MANBA: variants seen among roughly 807,000 people sequenced by gnomAD.
MANBA encodes the protein beta-mannosidase.
A neutral mutation model predicts 111.1 loss-of-function variants in MANBA; 83 were observed. The ratio of observed to expected loss-of-function variants is 0.75; its 90% confidence interval spans 0.63 to 0.90. MANBA has a LOEUF of 0.90. Among genes scored for constraint, MANBA ranks in the 40% least tolerant of loss-of-function variants. The probability of loss-of-function intolerance (pLI) is 0.00; values close to 1 mark genes in which losing one functional copy is unlikely to be tolerated. For synonymous variants in MANBA, 370 were observed against 378.7 expected, an observed-to-expected ratio of 0.98 and a Z score of 0.27; for missense variants, 1,036 against 1,069.0, an observed-to-expected ratio of 0.97 and a Z score of 0.43.
At chr4:102,698,769 A>G (rs1227225600) in intron 5 of MANBA, among the ~76,000 whole-genome samples, 1 of 151,338 alleles carries the variant, frequency 6.6e-6, no homozygotes, top group Non-Finnish European at 1.5e-5. Flanking sequence ...GCCTTGTAGT[A>G]TAGTTTGAAG....
intron 5 of MANBA, among the ~76,000 whole-genome samples, chr4:102,712,200 G>A (rs1259771137): frequency 2.6e-5 from 4 of 152,110 alleles, no homozygotes; most frequent in African/African-American, 4.8e-5. Flanking sequence ...CAAATATTAC[G>A]TGTCAATTTA....
intron 1 of MANBA, chr4:102,727,604 GAGACAGGCC>G: frequency 1.3e-6 from 2 of 1,594,184 alleles, no homozygotes; most frequent in Non-Finnish European, 1.7e-6. Context: ...TTGGGCTCGG[GAGACAGGCC>G]AGTGCCCATG....
intron 5 of MANBA, among the ~76,000 whole-genome samples, chr4:102,707,072 AT>A (rs1396412281): frequency 1.3e-5 from 2 of 152,222 alleles, no homozygotes; most frequent in African/African-American, 4.8e-5. Flanking sequence ...AGATAAAAAA[AT>A]CTCAGAGATT....
At chr4:102,748,531 C>T (rs1220567912) in intron 1 of MANBA, among the ~76,000 whole-genome samples, 3 of 152,048 alleles carry the variant, frequency 2.0e-5, no homozygotes, top group Admixed American at 6.5e-5. Flanking sequence ...GAAGAATACA[C>T]AAGAAACCGG....
chr4:102,726,712 G>C (rs1722821391), intron 1 of MANBA, 29 bp from the exon 2 acceptor site: 3 of 1,019,408 alleles, frequency 2.9e-6, no homozygotes. Flanking sequence ...AATTATGGTA[G>C]ATGGTTAAAT....
intron 12 of MANBA, among the ~76,000 whole-genome samples, chr4:102,653,964 T>C (rs1018673103): frequency 6.6e-6 from 1 of 152,122 alleles, no homozygotes; most frequent in Non-Finnish European, 1.5e-5. Context: ...AATTATTGCT[T>C]GTGTGCCAGG....
At chr4:102,746,261 C>T (rs1723581551) in intron 1 of MANBA, among the ~76,000 whole-genome samples, 2 of 152,246 alleles carry the variant, frequency 1.3e-5, no homozygotes, top group Non-Finnish European at 2.9e-5. Context: ...TCAATCCCCT[C>T]ACTTTAACAG....
At chr4:102,662,007 A>T (rs914325361) in intron 11 of MANBA, among the ~76,000 whole-genome samples, 6 of 152,184 alleles carry the variant, frequency 3.9e-5, no homozygotes, top group African/African-American at 1.4e-4. Context: ...TCTTTGAAAA[A>T]ATTTACAAAC....
intron 1 of MANBA, chr4:102,751,902 C>A (rs764569395): frequency 8.2e-6 from 5 of 611,688 alleles, no homozygotes; most frequent in Non-Finnish European, 1.6e-5. Flanking sequence ...TCCAACTATT[C>A]TCTTATGGGA....
chr4:102,673,728 C>T (rs997814372), intron 8 of MANBA, among the ~76,000 whole-genome samples, 191 bp downstream of exon 8: 1 of 152,120 alleles, frequency 6.6e-6, no homozygotes, highest in Non-Finnish European at 1.5e-5. Context: ...GCTGTAAGAC[C>T]ACCTGTAACC....
chr4:102,631,734 A>T lies in MANBA; in HGVS notation c.*323T>A, dbSNP rs904707579. ...TTGGTTCCATAGATCCTGCCATGTCACATTCTTGTAACCAGCTGCAGGGCC... is the reference window on the plus strand; with the variant it reads ...TTGGTTCCATAGATCCTGCCATGTCTCATTCTTGTAACCAGCTGCAGGGCC... On this transcript the variant is annotated 3_prime_UTR_variant, in exon 17 of 17. Coordinates refer to ENST00000647097, the MANE Select transcript of MANBA (RefSeq NM_005908.4). 5.3e-6 allele frequency: 3 copies of T among 562,694 alleles called. No homozygotes were observed. Among genetic ancestry groups the T allele is most frequent in the African/African-American group, 1.9e-5 (1 of 53,578 alleles). 34.9% of individuals were successfully genotyped at this position (562,694 alleles called of 1,614,324 possible).
At chr4:102,671,147 C>A in intron 9 of MANBA, 134 bp downstream of exon 9, 1 of 696,758 alleles carries the variant, frequency 1.4e-6, no homozygotes. Context: ...TACAAGATGC[C>A]ATTTATTCCT....
chr4:102,707,898 C>T (rs1041954510), intron 5 of MANBA, among the ~76,000 whole-genome samples: 24 of 151,978 alleles, frequency 1.6e-4, no homozygotes, highest in Non-Finnish European at 2.9e-5. Flanking sequence ...AGTCAAAAAA[C>T]AGTAAAAACA....
intron 5 of MANBA, among the ~76,000 whole-genome samples, chr4:102,709,090 G>A (rs1324219067): frequency 2.0e-5 from 3 of 151,902 alleles, no homozygotes; most frequent in African/African-American, 7.3e-5. Flanking sequence ...GCCAAGGCAG[G>A]AGGATTGCTT....
At chr4:102,696,990 A>G (rs1311402944) in intron 5 of MANBA, among the ~76,000 whole-genome samples, 1 of 152,186 alleles carries the variant, frequency 6.6e-6, no homozygotes, top group African/African-American at 2.4e-5. Flanking sequence ...TAGTTAAAAC[A>G]GCTGTTTTCC....
chr4:102,731,539 A>G (rs1723033787), intron 1 of MANBA, among the ~76,000 whole-genome samples: 1 of 152,226 alleles, frequency 6.6e-6, no homozygotes, highest in Non-Finnish European at 1.5e-5. Context: ...TCAGGTCAGC[A>G]AACTGCCACC....
intron 5 of MANBA, among the ~76,000 whole-genome samples, chr4:102,709,326 A>G (rs201146261): frequency 5.0e-5 from 6 of 119,930 alleles, no homozygotes; most frequent in Admixed American, 8.2e-5. Context: ...AAAGAAAAGA[A>G]AAAGAAAGGA....
chr4:102,717,033 G>T (rs1722365368), intron 4 of MANBA, among the ~76,000 whole-genome samples: 1 of 152,132 alleles, frequency 6.6e-6, no homozygotes, highest in Non-Finnish European at 1.5e-5. Context: ...GAGAATTTTA[G>T]TATCTATTTG....
intron 1 of MANBA, among the ~76,000 whole-genome samples, chr4:102,733,564 T>C (rs1463957651): frequency 6.6e-6 from 1 of 152,206 alleles, no homozygotes. Flanking sequence ...TCTTACTATG[T>C]TGCCAAGGCT....
Sources: gnomAD v4.1 joint callset for allele counts (sites outside exome capture counted in the v4.1 genomes callset) on GRCh38, gnomAD v4.1.1 for gene constraint, MANE v1.5 for transcripts, NCBI Gene and HGNC (gene_info 2026-07-23, HGNC 2026-07-21) for gene names.